MYOT: variants seen among roughly 807,000 people sequenced by gnomAD.
MYOT encodes 57 kDa cytoskeletal protein.
A neutral mutation model predicts 58.0 loss-of-function variants in MYOT; 36 were observed. The ratio of observed to expected loss-of-function variants is 0.62; its 90% CI spans 0.48 to 0.82. The LOEUF (loss-of-function observed/expected upper bound fraction) is 0.82, where lower values mean the gene tolerates loss of function less well. Ranked by LOEUF, MYOT falls within the 40% of genes least tolerant of loss-of-function variation. The pLI is 0.00. For missense variants in MYOT, 505 were observed against 592.1 expected (o/e 0.85, Z 1.53); for synonymous variants, 218 against 204.6 (o/e 1.07, Z -0.56).
chr5:137,869,394 T>C (rs1313536384), intron 1 of MYOT, among the ~76,000 whole-genome samples: 4 of 152,106 alleles, frequency 2.6e-5, no homozygotes, highest in African/African-American at 9.7e-5. Context: ...ACCATACTAA[T>C]GGAAAAAAAA....
At chr5:137,887,060 G>T in intron 9 of MYOT, 63 bp downstream of exon 9, 1 of 1,571,206 alleles carries the variant, frequency 6.4e-7, no homozygotes, top group African/African-American at 1.3e-5. Flanking sequence ...AATAAGAAAT[G>T]AAAATCCCAG....
At chr5:137,873,459 G>A (rs748436527) in intron 2 of MYOT, among the ~76,000 whole-genome samples, 5 of 151,786 alleles carry the variant, frequency 3.3e-5, no homozygotes, top group East Asian at 1.9e-4. Context: ...GCTTAAACCC[G>A]GGAGACATAG....
chr5:137,885,771 CAAAAAAAAAAA>C (rs71583286), intron 7 of MYOT, among the ~76,000 whole-genome samples: 1,474 of 30,954 alleles, frequency 0.048, 27 homozygotes, highest in African/African-American at 0.14. Context: ...GACTCTGTCT[CAAAAAAAAAAA>C]AAAAAAAAAA....
At chr5:137,883,743 G>A in intron 7 of MYOT, 152 bp downstream of exon 7, 3 of 667,754 alleles carry the variant, frequency 4.5e-6, no homozygotes, top group South Asian at 1.8e-5. Context: ...ACAAACCACA[G>A]GAAAAAATAT....
intron 7 of MYOT, among the ~76,000 whole-genome samples, 186 bp downstream of exon 7, chr5:137,883,777 C>T (rs1392199355): frequency 1.3e-5 from 2 of 152,088 alleles, no homozygotes; most frequent in African/African-American, 2.4e-5. Context: ...CACATACATA[C>T]ATATATAGAT....
chr5:137,875,190 C>T (rs956681010), intron 2 of MYOT, among the ~76,000 whole-genome samples: 1 of 152,178 alleles, frequency 6.6e-6, no homozygotes, highest in Admixed American at 6.5e-5. Context: ...ACGTCCTTTG[C>T]AGCAACACGG....
intron 3 of MYOT, 101 bp from the exon 4 acceptor site, chr5:137,877,419 T>C: frequency 3.0e-6 from 2 of 663,952 alleles, no homozygotes; most frequent in South Asian, 3.0e-5. Context: ...TAGATAGAAC[T>C]ATGCTTCTTT....
chr5:137,885,911 T>C, intron 7 of MYOT, 137 bp from the exon 8 acceptor site: 1 of 599,072 alleles, frequency 1.7e-6, no homozygotes, highest in South Asian at 2.4e-5. Context: ...ACTGCATGTC[T>C]TTTTTACTGA....
At chr5:137,878,676 A>G (rs1580857497) in intron 4 of MYOT, among the ~76,000 whole-genome samples, 1 of 152,058 alleles carries the variant, frequency 6.6e-6, no homozygotes, top group African/African-American at 2.4e-5. Flanking sequence ...TACAAAAATT[A>G]GCTGGGCGTG....
chr5:137,887,100 A>T, intron 9 of MYOT, 103 bp downstream of exon 9: 3 of 1,548,268 alleles, frequency 1.9e-6, no homozygotes, highest in Non-Finnish European at 2.7e-6. Flanking sequence ...TATTTTCCCC[A>T]TATATAATCA....
chr5:137,873,581 G>A (rs1183563218), intron 2 of MYOT, among the ~76,000 whole-genome samples: 2 of 151,456 alleles, frequency 1.3e-5, no homozygotes, highest in Non-Finnish European at 2.9e-5. Context: ...AATTCTATAC[G>A]ATTGAAAAAA....
chr5:137,870,360 G>T, intron 1 of MYOT, 81 bp from the exon 2 acceptor site: 1 of 462,846 alleles, frequency 2.2e-6, no homozygotes, highest in Non-Finnish European at 3.9e-6. Flanking sequence ...AAAAGAAAAA[G>T]CACATCAGAT....
chr5:137,884,942 A>G (rs1561664906), intron 7 of MYOT, among the ~76,000 whole-genome samples: 1 of 152,242 alleles, frequency 6.6e-6, no homozygotes, highest in Non-Finnish European at 1.5e-5. Flanking sequence ...AGATTATTCA[A>G]TAATATACCA....
At chr5:137,872,274 T>G (rs1375321257) in intron 2 of MYOT, among the ~76,000 whole-genome samples, 1 of 152,164 alleles carries the variant, frequency 6.6e-6, no homozygotes, top group East Asian at 1.9e-4. Flanking sequence ...CCAAATTCCC[T>G]TTATAATATA....
intron 2 of MYOT, among the ~76,000 whole-genome samples, chr5:137,873,276 C>T (rs1755106382): frequency 1.3e-5 from 2 of 151,252 alleles, no homozygotes; most frequent in Non-Finnish European, 2.9e-5. Context: ...CCTGTAATCC[C>T]AGCACTTTGG....
rs770760429 is a variant in MYOT, at chr5:137,877,578, C to T, written c.590C>T (p.Ala197Val). 6.2e-7 allele frequency: 1 copy of T among 1,613,908 alleles called. No homozygotes were observed. Among genetic ancestry groups the T allele is most frequent in the Admixed American group, 1.7e-5 (1 of 59,992 alleles). The change falls in exon 4 of 10, where the codon GCT becomes GTT. Residue 197 changes from alanine (A) to valine (V), a missense_variant. Physicochemically the swap from Ala to Val is moderately conservative, Grantham distance 64. Coordinates refer to ENST00000239926, the MANE Select transcript of MYOT (RefSeq NM_006790.3). The stretch of plus-strand genomic sequence containing the variant: ...TTGCTAGGACCACAGAATGCAGCTG[C>T]TGTGTTTCAAGCTCAGGATGACAGT... ...RRLLGPQNAA[A>V]VFQAQDDSGA...
chr5:137,877,240 C>T (rs945106028), intron 3 of MYOT, among the ~76,000 whole-genome samples: 36 of 151,522 alleles, frequency 2.4e-4, no homozygotes, highest in African/African-American at 8.2e-4. Flanking sequence ...TTGTGGCAGG[C>T]GCCTGTAGTC....
intron 5 of MYOT, 31 bp downstream of exon 5, chr5:137,880,896 G>A: frequency 7.0e-7 from 1 of 1,425,738 alleles, no homozygotes; most frequent in Non-Finnish European, 9.8e-7. Flanking sequence ...AGAAATGTAT[G>A]TTTTCCTATC....
chr5:137,880,419 C>T (rs1755389101), intron 4 of MYOT, among the ~76,000 whole-genome samples: 1 of 152,126 alleles, frequency 6.6e-6, no homozygotes, highest in African/African-American at 2.4e-5. Flanking sequence ...GGCATAATAC[C>T]CTGCAGCTAC....
Sources: gnomAD v4.1 joint callset for allele counts (sites outside exome capture counted in the v4.1 genomes callset) on GRCh38, gnomAD v4.1.1 for gene constraint, MANE v1.5 for transcripts, NCBI Gene and HGNC (gene_info 2026-07-23, HGNC 2026-07-21) for gene names.